The following LIPN variants were observed in gnomAD, a reference collection of about 807,000 sequenced individuals.
The protein encoded by LIPN is lipase family member N.
A neutral mutation model predicts 43.7 loss-of-function variants in LIPN; 32 were observed. The observed-to-expected ratio is 0.73, with a 90% CI of 0.55 to 0.98. The LOEUF is 0.98. LIPN is among the 50% of genes least tolerant of loss of function. The pLI is 0.00. For synonymous variants in LIPN, 156 were observed against 157.6 expected, an observed-to-expected ratio of 0.99 and a Z score of 0.08; for missense variants, 505 against 483.8, an observed-to-expected ratio of 1.04 and a Z score of -0.41.
At chr10:88,763,612 GA>G (rs1843039612) in intron 3 of LIPN, among the ~76,000 whole-genome samples, 1 of 152,002 alleles carries the variant, frequency 6.6e-6, no homozygotes, top group Non-Finnish European at 1.5e-5. Flanking sequence ...ATAGCAAGCT[GA>G]CAGACCAGAA....
intron 5 of LIPN, among the ~76,000 whole-genome samples, chr10:88,766,817 A>G (rs1195863443): frequency 2.0e-5 from 3 of 151,958 alleles, no homozygotes; most frequent in Non-Finnish European, 2.9e-5. Flanking sequence ...TTATACCTAT[A>G]TTTAAACAAA....
chr10:88,768,885 G>A lies in LIPN; in HGVS notation c.629G>A (p.Gly210Asp). The A allele has an allele frequency of 6.2e-7, 1 of 1,611,282 alleles. No homozygotes were observed. The highest frequency in any genetic ancestry group is 8.5e-7 in the Non-Finnish European group (1 of 1,178,262). Residue 210 changes from glycine to aspartate, a missense_variant, in exon 6 of 10, where the codon GGC (glycine) becomes GAC (aspartate). Coordinates refer to ENST00000404459, the MANE Select transcript of LIPN (RefSeq NM_001102469.2). Reference protein sequence around the residue: ...GPTISFKYPTGIFTRFFLLPN... With the variant: ...GPTISFKYPTDIFTRFFLLPN... Reference sequence around the variant, plus strand: ...ACGATCTCATTCAAATATCCCACGGGCATTTTTACCAGGTTTTTTCTACTT... The same window carrying A: ...ACGATCTCATTCAAATATCCCACGGACATTTTTACCAGGTTTTTTCTACTT...
chr10:88,770,813 C>T, intron 6 of LIPN, 32 bp from the exon 7 acceptor site: 1 of 1,295,136 alleles, frequency 7.7e-7, no homozygotes, highest in South Asian at 1.4e-5. Flanking sequence ...TATTTTATCT[C>T]ATTCAAAGAT....
chr10:88,770,968 T>A lies in LIPN; in HGVS notation c.796T>A (p.Ser266Thr). Residue 266 changes from serine to threonine, a missense_variant, in exon 7 of 10, where the codon TCC becomes ACC. Ser to Thr is a moderately conservative substitution (Grantham distance 58). Coordinates refer to ENST00000404459, the MANE Select transcript of LIPN (RefSeq NM_001102469.2). ...CSEFMSLWAG[S>T]NKKNMNQSRM... ...CGAATTTATGTCCTTATGGGCTGGA[T>A]CCAACAAGAAAAATATGAATCAGGT... 2 of 1,572,678 alleles carry A rather than the reference T, an allele frequency of 1.3e-6. No individual in the cohort carries two copies. Among genetic ancestry groups the A allele is most frequent in the South Asian group, 2.3e-5 (2 of 85,416 alleles).
At position 88,767,644 on chromosome 10, in the gene LIPN, CAAAAAAAAAAAAAAAAAAAAAAAAAAAAA is replaced by C. The variant is rs61646268; in HGVS notation, c.536-1128_536-1100del. Among the ~76,000 whole-genome samples, 45 of 61,516 alleles carry C rather than the reference CAAAAAAAAAAAAAAAAAAAAAAAAAAAAA, an allele frequency of 7.3e-4. 2 individuals carry two copies. Among genetic ancestry groups the C allele is most frequent in the South Asian group, 4.1e-3 (6 of 1,458 alleles). 40.4% of individuals were successfully genotyped at this position (61,516 alleles called of 152,430 possible). ...TAGATATGCTCTTATACTTGATCTGCAAAAAAAAAAAAAAAAAAAAAAAAAAAAAAAAAAAAAAAAAAAAAAAACCATGG... is the reference window on the plus strand; with the variant it reads ...TAGATATGCTCTTATACTTGATCTGCAAAAAAAAAAAAAAAAAAACCATGG... On this transcript the variant is annotated intron_variant, in intron 5 of 9. Transcript: ENST00000404459.
At chr10:88,759,942 A>G (rs1283183290), upstream of LIPN, among the ~76,000 whole-genome samples, 1 of 152,064 alleles carries the variant, frequency 6.6e-6, no homozygotes, top group South Asian at 2.1e-4. Context: ...TGTGTGTCTC[A>G]GTCTAAAGCT....
At chr10:88,765,230 G>A (rs1162236825) in intron 4 of LIPN, among the ~76,000 whole-genome samples, 1 of 151,960 alleles carries the variant, frequency 6.6e-6, no homozygotes, top group Non-Finnish European at 1.5e-5. Flanking sequence ...TTTAATGGAA[G>A]AGTTTTCTGC....
In LIPN at chr10:88,768,830, AG is replaced by A; in HGVS notation, c.575del (p.Arg192LysfsTer4). On this transcript the variant is annotated frameshift_variant, in exon 6 of 10. Coordinates refer to ENST00000404459, the MANE Select transcript of LIPN (RefSeq NM_001102469.2). LOFTEE classifies it high-confidence loss of function. ...TTCCACCATGCCTGAACTGGCACAAAGAATCAAAATGAATTTTGCCTTGGGT... is the reference window on the plus strand; with the variant it reads ...TTCCACCATGCCTGAACTGGCACAAAAATCAAAATGAATTTTGCCTTGGGT... ...AFSTMPELAQRIKMNFALGPT... is the reference protein window; with the variant it reads ...AFSTMPELAQXIKMNFALGPT... The A allele has an allele frequency of 6.2e-7, 1 of 1,611,612 alleles. No individual in the cohort carries two copies. Among genetic ancestry groups the A allele is most frequent in the East Asian group, 2.2e-5 (1 of 44,758 alleles).
Position 88,770,843 on chromosome 10 carries a change from A to T in LIPN, c.673-2A>T. On this transcript the variant is annotated splice_acceptor_variant, in intron 6 of 9. Transcript: ENST00000404459. LOFTEE classifies it high-confidence loss of function. Reference sequence around the variant, plus strand: ...AAAGATAATTATTATTTACTTTCATAGGCTGTTTTTGGTACCAAAGGTTTC... The same window carrying T: ...AAAGATAATTATTATTTACTTTCATTGGCTGTTTTTGGTACCAAAGGTTTC... 6.8e-7 allele frequency: 1 copy of T among 1,479,072 alleles called. No individual in the cohort carries two copies. The allele number at this position is 1,479,072 out of a possible 1,614,324, so 91.6% of individuals were successfully genotyped here.
At chr10:88,759,210 C>A (rs1408782789), upstream of LIPN, among the ~76,000 whole-genome samples, 1 of 152,106 alleles carries the variant, frequency 6.6e-6, no homozygotes, top group Non-Finnish European at 1.5e-5. Context: ...CACAAAATAT[C>A]ATTTTTTTTG....
At position 88,774,606 on chromosome 10, in the gene LIPN, A is replaced by G. The variant is rs368285038; in HGVS notation, c.891+62A>G. ...ATTTTCAATATATTTAAAAAGACAG[A>G]ATTGACCCTGTTAACAGGCCTACCC... On this transcript the variant is annotated intron_variant, in intron 8 of 9. Transcript: ENST00000404459. The G allele has an allele frequency of 1.3e-4, 179 of 1,400,526 alleles. 3 individuals carry two copies. The East Asian group carries it at 2.6e-3, about 21-fold the overall frequency. The allele number at this position is 1,400,526 out of a possible 1,614,324, so 86.8% of individuals were successfully genotyped here.
At chr10:88,764,803 C>T (rs2134833027) in intron 4 of LIPN, among the ~76,000 whole-genome samples, 195 bp downstream of exon 4, 1 of 152,090 alleles carries the variant, frequency 6.6e-6, no homozygotes, top group South Asian at 2.1e-4. Context: ...TATGGCATTT[C>T]AACAAGATCA....
upstream of LIPN, among the ~76,000 whole-genome samples, chr10:88,757,653 GT>G (rs1842943123): frequency 6.6e-6 from 1 of 152,120 alleles, no homozygotes. Flanking sequence ...AAGAAAGCAT[GT>G]TCTACGCTAA....
In LIPN at chr10:88,764,522, T is replaced by G; in HGVS notation, c.339T>G (p.Asp113Glu). ...LGFLLADAGY[D>E]VWMGNSRGNT... The stretch of plus-strand genomic sequence containing the variant: ...TCCTTCTAGCAGATGCAGGTTATGA[T>G]GTATGGATGGGAAACAGTCGGGGAA... Residue 113 changes from aspartate to glutamate, a missense_variant, in exon 4 of 10, where the codon GAT becomes GAG. By Grantham distance (45) the Asp-to-Glu change is conservative (BLOSUM62 2). Transcript: ENST00000404459. The G allele has an allele frequency of 1.2e-6, 2 of 1,612,254 alleles. No homozygotes were observed. The highest frequency in any genetic ancestry group is 8.5e-7 in the Non-Finnish European group (1 of 1,178,938).
upstream of LIPN, among the ~76,000 whole-genome samples, chr10:88,757,598 A>T (rs1842942314): frequency 6.6e-6 from 1 of 152,176 alleles, no homozygotes; most frequent in Non-Finnish European, 1.5e-5. Context: ...AGATGGATGT[A>T]GTATAGATGT....
upstream of LIPN, among the ~76,000 whole-genome samples, chr10:88,757,370 C>G (rs1842938812): frequency 6.6e-6 from 1 of 152,112 alleles, no homozygotes; most frequent in Admixed American, 6.6e-5. Context: ...TCGTGTCACT[C>G]CGGAACATGG....
upstream of LIPN, among the ~76,000 whole-genome samples, chr10:88,759,102 C>T (rs1031998574): frequency 1.3e-5 from 2 of 152,056 alleles, no homozygotes; most frequent in African/African-American, 4.8e-5. Flanking sequence ...CATAACTTTT[C>T]CCTGTTCTGA....
At chr10:88,777,061 T>C (rs1250674644) in intron 9 of LIPN, among the ~76,000 whole-genome samples, 1 of 152,088 alleles carries the variant, frequency 6.6e-6, no homozygotes, top group East Asian at 1.9e-4. Context: ...CCTTGTACAA[T>C]GTAGTTTAGG....
At chr10:88,764,345 C>T in intron 3 of LIPN, 65 bp from the exon 4 acceptor site, 3 of 1,245,094 alleles carry the variant, frequency 2.4e-6, no homozygotes, top group Non-Finnish European at 3.4e-6. Context: ...ACATAAATTA[C>T]TCTCACTCTT....
Sources: allele counts gnomAD v4.1 joint callset (sites outside exome capture counted in the v4.1 genomes callset), GRCh38; gene constraint gnomAD v4.1.1; transcripts MANE v1.5; gene names NCBI Gene and HGNC (gene_info 2026-07-23, HGNC 2026-07-21).